SCHIP1: variants seen among roughly 807,000 people sequenced by gnomAD.
The protein encoded by SCHIP1 is schwannomin-interacting protein 1.
In SCHIP1, 8 loss-of-function variants were observed where a neutral mutation model predicts 29.7. The observed-to-expected ratio is 0.27, with a 90% confidence interval of 0.16 to 0.49. The LOEUF (loss-of-function observed/expected upper bound fraction) is 0.49. Among genes scored for constraint, SCHIP1 ranks in the 20% least tolerant of loss-of-function variants. SCHIP1 has a pLI of 0.99. For synonymous variants in SCHIP1, 76 were observed against 94.9 expected, an observed-to-expected ratio of 0.80 and a Z score of 1.16; for missense variants, 193 against 294.6, an observed-to-expected ratio of 0.66 and a Z score of 2.52.
the SCHIP1 span, among the ~76,000 whole-genome samples, chr3:159,795,441 A>T: frequency 4.6e-5 from 7 of 152,198 alleles, no homozygotes; most frequent in South Asian, 2.1e-4. Flanking sequence ...CAACAGGTGA[A>T]TGGGATAGGT....
chr3:159,538,833 C>T, the SCHIP1 span, among the ~76,000 whole-genome samples: 1 of 152,106 alleles, frequency 6.6e-6, no homozygotes, highest in Non-Finnish European at 1.5e-5. Flanking sequence ...TTCTCTTTGT[C>T]TAACTTGGAA....
At chr3:159,464,250 A>G in the SCHIP1 span, among the ~76,000 whole-genome samples, 1 of 152,208 alleles carries the variant, frequency 6.6e-6, no homozygotes, top group East Asian at 1.9e-4. Context: ...CTGTCTGCAC[A>G]TTTGTATCCA....
the SCHIP1 span, among the ~76,000 whole-genome samples, chr3:159,323,259 G>T: frequency 6.6e-6 from 1 of 152,092 alleles, no homozygotes; most frequent in Admixed American, 6.5e-5. Context: ...TAATTATACA[G>T]ATAATACCAA....
At chr3:159,772,828 C>T in the SCHIP1 span, among the ~76,000 whole-genome samples, 1 of 152,134 alleles carries the variant, frequency 6.6e-6, no homozygotes, top group South Asian at 2.1e-4. Context: ...GCAAACTCCG[C>T]CTCCCGGGTT....
the SCHIP1 span, among the ~76,000 whole-genome samples, chr3:159,430,680 G>A: frequency 2.0e-5 from 3 of 152,148 alleles, no homozygotes; most frequent in South Asian, 6.2e-4. Context: ...AGCCCCATGT[G>A]AGAAATGACT....
intron 1 of SCHIP1, among the ~76,000 whole-genome samples, chr3:159,842,895 C>G (rs1038519156): frequency 1.3e-5 from 2 of 151,738 alleles, no homozygotes; most frequent in Admixed American, 1.3e-4. Flanking sequence ...ATCCATTACT[C>G]TCTCACTTTC....
chr3:159,319,539 T>C, the SCHIP1 span, among the ~76,000 whole-genome samples: 1 of 152,326 alleles, frequency 6.6e-6, no homozygotes, highest in Middle Eastern at 3.4e-3. Flanking sequence ...TTTAAGATCA[T>C]GGATTGTGAC....
chr3:159,553,279 A>G, the SCHIP1 span, among the ~76,000 whole-genome samples: 2 of 149,474 alleles, frequency 1.3e-5, no homozygotes, highest in Admixed American at 6.6e-5. Flanking sequence ...AAAAAAAAAG[A>G]CATGGAAAAG....
chr3:159,428,650 G>C, the SCHIP1 span, among the ~76,000 whole-genome samples: 1 of 150,564 alleles, frequency 6.6e-6, no homozygotes, highest in Non-Finnish European at 1.5e-5. Context: ...ATTCCTCAGG[G>C]ATCTAGAACT....
At chr3:159,596,982 T>TA in the SCHIP1 span, among the ~76,000 whole-genome samples, 693 of 141,404 alleles carry the variant, frequency 4.9e-3, 8 homozygotes, top group Admixed American at 0.026. Flanking sequence ...AAAGCATCTT[T>TA]AAAAAAAAAA....
chr3:159,333,394 G>T, the SCHIP1 span, among the ~76,000 whole-genome samples: 6 of 152,100 alleles, frequency 3.9e-5, no homozygotes, highest in African/African-American at 9.7e-5. Flanking sequence ...ATAAATGTTT[G>T]CTATGATTAT....
the SCHIP1 span, among the ~76,000 whole-genome samples, chr3:159,457,950 C>G: frequency 6.6e-6 from 1 of 152,090 alleles, no homozygotes. Flanking sequence ...GAAGGCAAAA[C>G]CACAGATAAA....
At chr3:159,277,695 G>A in the SCHIP1 span, among the ~76,000 whole-genome samples, 6 of 150,072 alleles carry the variant, frequency 4.0e-5, no homozygotes, top group African/African-American at 1.5e-4. Flanking sequence ...GCTGAGGTGG[G>A]TGGATCACCT....
the SCHIP1 span, among the ~76,000 whole-genome samples, chr3:159,311,506 G>C: frequency 2.0e-5 from 3 of 152,116 alleles, no homozygotes; most frequent in Admixed American, 6.5e-5. Context: ...TCTTTATTCA[G>C]AATGATTATG....
chr3:159,423,841 G>A, the SCHIP1 span, among the ~76,000 whole-genome samples: 12 of 151,938 alleles, frequency 7.9e-5, no homozygotes, highest in Admixed American at 2.0e-4. Context: ...TCACACGGCC[G>A]GATACTCCTC....
chr3:159,341,563 T>C, the SCHIP1 span, among the ~76,000 whole-genome samples: 3 of 152,100 alleles, frequency 2.0e-5, no homozygotes, highest in African/African-American at 7.2e-5. Flanking sequence ...GTTCAGTAGT[T>C]GTTAAGTGTT....
the SCHIP1 span, among the ~76,000 whole-genome samples, chr3:159,831,807 A>G: frequency 6.6e-6 from 1 of 152,180 alleles, no homozygotes; most frequent in Non-Finnish European, 1.5e-5. Context: ...TGAATTGTTT[A>G]TTTCTGGAAT....
At chr3:159,885,559 G>A (rs369487145) in intron 2 of SCHIP1, among the ~76,000 whole-genome samples, 1 of 152,206 alleles carries the variant, frequency 6.6e-6, no homozygotes, top group African/African-American at 2.4e-5. Flanking sequence ...CTGTGTGCAG[G>A]AGGTGGTCTG....
At chr3:159,644,524 G>T in the SCHIP1 span, among the ~76,000 whole-genome samples, 1 of 151,968 alleles carries the variant, frequency 6.6e-6, no homozygotes, top group African/African-American at 2.4e-5. Context: ...TTCTTTTGGA[G>T]TTTTGTATGA....
Sources: allele counts gnomAD v4.1 joint callset (sites outside exome capture counted in the v4.1 genomes callset), GRCh38; gene constraint gnomAD v4.1.1; transcripts MANE v1.5; gene names NCBI Gene and HGNC (gene_info 2026-07-23, HGNC 2026-07-21).